SND1: variants seen among roughly 807,000 people sequenced by gnomAD.
SND1 encodes the protein staphylococcal nuclease and tudor domain containing 1, also known as staphylococcal nuclease domain-containing protein 1.
SND1 carries 38 observed loss-of-function variants against 121.7 expected under a neutral mutation model. The observed-to-expected ratio is 0.31, with a 90% confidence interval of 0.24 to 0.41. The LOEUF (loss-of-function observed/expected upper bound fraction) is 0.41. SND1 is among the 10% of genes least tolerant of loss of function. The probability of loss-of-function intolerance (pLI) is 1.00; values close to 1 mark genes in which losing one functional copy is unlikely to be tolerated. For missense variants in SND1, 868 were observed against 1,184.6 expected, an observed-to-expected ratio of 0.73 and a Z score of 3.92; for synonymous variants, 401 against 447.4, an observed-to-expected ratio of 0.90 and a Z score of 1.31.
chr7:128,082,542 C>T (rs140614962), intron 18 of SND1, among the ~76,000 whole-genome samples: 224 of 152,282 alleles, frequency 1.5e-3, no homozygotes, highest in African/African-American at 5.1e-3. Context: ...AAAGGAAAAA[C>T]GCAAGGGGGA....
chr7:128,020,896 C>T (rs756960728), intron 16 of SND1, among the ~76,000 whole-genome samples: 6 of 152,182 alleles, frequency 3.9e-5, no homozygotes, highest in Non-Finnish European at 5.9e-5. Flanking sequence ...TGCCGTCTCT[C>T]CCCCTCATGA....
intron 10 of SND1, among the ~76,000 whole-genome samples, chr7:127,744,605 A>G (rs1442220181): frequency 1.3e-5 from 2 of 152,186 alleles, no homozygotes; most frequent in African/African-American, 4.8e-5. Flanking sequence ...TAGCTGCCCT[A>G]TGCTTTTTCT....
chr7:127,768,836 G>C (rs922909148), intron 10 of SND1, among the ~76,000 whole-genome samples: 2 of 152,156 alleles, frequency 1.3e-5, no homozygotes, highest in Non-Finnish European at 2.9e-5. Flanking sequence ...AGTGCTTCAG[G>C]ATGGTCAGAT....
At chr7:127,993,718 T>A (rs1427555875) in intron 16 of SND1, among the ~76,000 whole-genome samples, 1 of 152,264 alleles carries the variant, frequency 6.6e-6, no homozygotes, top group Non-Finnish European at 1.5e-5. Context: ...TAAATTTTTT[T>A]CATGTCTTTT....
chr7:128,084,404 C>T (rs1046095071), intron 18 of SND1, among the ~76,000 whole-genome samples: 1 of 152,234 alleles, frequency 6.6e-6, no homozygotes, highest in Admixed American at 6.5e-5. Context: ...TCTCCACCTC[C>T]TTAATCAAAG....
chr7:127,691,215 TAA>T (rs113347729), intron 2 of SND1, among the ~76,000 whole-genome samples: 6 of 148,754 alleles, frequency 4.0e-5, no homozygotes, highest in Admixed American at 6.7e-5. Context: ...CCTATTGAAA[TAA>T]AAAAAAAAAT....
At chr7:127,893,328 G>A (rs1800050814) in intron 13 of SND1, among the ~76,000 whole-genome samples, 1 of 152,062 alleles carries the variant, frequency 6.6e-6, no homozygotes, top group Non-Finnish European at 1.5e-5. Context: ...ATCAAAACGT[G>A]GCTGTGTGCT....
At chr7:128,032,265 C>A (rs1198072471) in intron 16 of SND1, among the ~76,000 whole-genome samples, 2 of 151,156 alleles carry the variant, frequency 1.3e-5, no homozygotes, top group Non-Finnish European at 3.0e-5. Context: ...TCCGGCCGCC[C>A]GTCTTCCTCT....
intron 1 of SND1, among the ~76,000 whole-genome samples, chr7:127,655,694 A>G (rs1266136895): frequency 6.6e-6 from 1 of 152,220 alleles, no homozygotes; most frequent in African/African-American, 2.4e-5. Flanking sequence ...ACTGCAACAG[A>G]ATATTGTCAG....
At chr7:127,661,112 G>T (rs1210376727) in intron 1 of SND1, among the ~76,000 whole-genome samples, 1 of 152,166 alleles carries the variant, frequency 6.6e-6, no homozygotes, top group Non-Finnish European at 1.5e-5. Context: ...AGAATTTTAT[G>T]AGGGGAGGAT....
At chr7:128,008,250 T>A (rs1803031110) in intron 16 of SND1, 1 of 152,166 alleles carries the variant, frequency 6.6e-6, no homozygotes. Context: ...AGGAAACTCC[T>A]CCTAGACAGG....
intron 15 of SND1, among the ~76,000 whole-genome samples, chr7:127,970,930 C>T (rs1042964862): frequency 7.9e-5 from 12 of 151,444 alleles, no homozygotes; most frequent in Non-Finnish European, 1.3e-4. Context: ...GGCAACAAAG[C>T]GAGACCCTGT....
chr7:128,030,479 G>A, intron 16 of SND1: 2 of 1,613,594 alleles, frequency 1.2e-6, no homozygotes, highest in Non-Finnish European at 1.7e-6. Flanking sequence ...TGCTGAACTG[G>A]TTACTGCACG....
chr7:128,066,922 G>A (rs1015041180), intron 16 of SND1, among the ~76,000 whole-genome samples: 1 of 152,182 alleles, frequency 6.6e-6, no homozygotes, highest in Non-Finnish European at 1.5e-5. Flanking sequence ...AGTGGGTTGG[G>A]AAGAGGCAGG....
intron 12 of SND1, among the ~76,000 whole-genome samples, chr7:127,886,720 G>A (rs1316597596): frequency 3.3e-5 from 5 of 151,940 alleles, no homozygotes; most frequent in African/African-American, 4.8e-5. Context: ...AGGTTGGGGA[G>A]GAACCATTCA....
intron 10 of SND1, among the ~76,000 whole-genome samples, chr7:127,755,704 C>T (rs1238601016): frequency 6.6e-6 from 1 of 152,238 alleles, no homozygotes; most frequent in Non-Finnish European, 1.5e-5. Context: ...GATGTGGTGA[C>T]TCCGTTTGAA....
At chr7:127,880,798 C>T (rs964103887) in intron 12 of SND1, among the ~76,000 whole-genome samples, 18 of 152,016 alleles carry the variant, frequency 1.2e-4, no homozygotes, top group Middle Eastern at 3.4e-3. Context: ...GAACGTGATA[C>T]CCCACAGGGT....
intron 15 of SND1, among the ~76,000 whole-genome samples, chr7:127,937,720 T>A (rs1489541229): frequency 6.6e-6 from 1 of 152,236 alleles, no homozygotes; most frequent in East Asian, 1.9e-4. Flanking sequence ...ATCAACTGCC[T>A]GTTTCAATAG....
At chr7:128,003,266 G>GAA (rs1296752045) in intron 16 of SND1, among the ~76,000 whole-genome samples, 1 of 152,134 alleles carries the variant, frequency 6.6e-6, no homozygotes, top group East Asian at 1.9e-4. Context: ...AAACAAGACT[G>GAA]AAAAGGATAG....
Sources: allele counts gnomAD v4.1 joint callset (sites outside exome capture counted in the v4.1 genomes callset), GRCh38; gene constraint gnomAD v4.1.1; transcripts MANE v1.5; gene names NCBI Gene and HGNC (gene_info 2026-07-23, HGNC 2026-07-21).